Variants in RMST observed in about 807,000 individuals in gnomAD.
RMST encodes long intergenic non-protein coding RNA 54.
At chr12:97,483,148 T>A (rs756142218) in intron 5 of RMST, among the ~76,000 whole-genome samples, 108 of 152,272 alleles carry the variant, frequency 7.1e-4, no homozygotes, top group Non-Finnish European at 1.4e-3. Context: ...TGTGCTCTGT[T>A]ATTTCAAAGG....
chr12:97,514,022 ATTATAAGGGTTATTC>A (rs1021376132), intron 10 of RMST, among the ~76,000 whole-genome samples: 58 of 152,182 alleles, frequency 3.8e-4, no homozygotes, highest in African/African-American at 1.3e-3. Context: ...GAACTTTCCA[ATTATAAGGGTTATTC>A]TTAAATAAGA....
At chr12:97,545,320 C>T (rs1882852645) in intron 11 of RMST, among the ~76,000 whole-genome samples, 2 of 152,000 alleles carry the variant, frequency 1.3e-5, no homozygotes, top group Non-Finnish European at 2.9e-5. Flanking sequence ...CCACAGTCCG[C>T]AGTGGTTGAC....
rs145182833 is a variant in RMST at position 97,470,851 on chromosome 12, A to G, written n.644+5124A>G. On this transcript the variant is annotated intron_variant and non_coding_transcript_variant, in intron 5 of 13. Transcript: ENST00000640149. ...GACCACCCACCACTCCCCAAAAAAG[A>G]GCCATTTCCTTAACCATCATAAAGT... Among the ~76,000 whole-genome samples, 894 of 152,156 alleles carry G rather than the reference A, an allele frequency of 5.9e-3. 4 individuals carry two copies. Among genetic ancestry groups the G allele is most frequent in the Non-Finnish European group, 9.7e-3 (659 of 67,972 alleles).
At chr12:97,518,136 G>T (rs1400449149) in intron 10 of RMST, among the ~76,000 whole-genome samples, 1 of 152,026 alleles carries the variant, frequency 6.6e-6, no homozygotes. Context: ...AGATAAAGTA[G>T]AGCACTTTTT....
chr12:97,500,829 C>G (rs1260868569), intron 10 of RMST, among the ~76,000 whole-genome samples: 3 of 152,198 alleles, frequency 2.0e-5, no homozygotes, highest in Non-Finnish European at 4.4e-5. Flanking sequence ...TGGGAAGAAT[C>G]TTTCTTTCAG....
At chr12:97,503,528 G>A (rs1878324484) in intron 10 of RMST, among the ~76,000 whole-genome samples, 1 of 151,226 alleles carries the variant, frequency 6.6e-6, no homozygotes, top group African/African-American at 2.4e-5. Context: ...CTGTAACCAT[G>A]CACTGCTAAC....
At chr12:97,561,552 A>T (rs921974401) in intron 13 of RMST, among the ~76,000 whole-genome samples, 1 of 150,760 alleles carries the variant, frequency 6.6e-6, no homozygotes, top group Non-Finnish European at 1.5e-5. Flanking sequence ...GAGTCAAGTG[A>T]CAAGACTAAC....
chr12:97,552,707 TG>T (rs1883388525), intron 11 of RMST, among the ~76,000 whole-genome samples: 1 of 152,246 alleles, frequency 6.6e-6, no homozygotes, highest in East Asian at 1.9e-4. Flanking sequence ...ATTTTGTTGT[TG>T]TTGTTGCTGT....
At chr12:97,487,973 G>A (rs993560265) in intron 5 of RMST, among the ~76,000 whole-genome samples, 5 of 152,114 alleles carry the variant, frequency 3.3e-5, no homozygotes, top group African/African-American at 7.2e-5. Context: ...CTACCCCCAC[G>A]GATTCTAATT....
At chr12:97,544,274 G>A (rs1482297602) in intron 11 of RMST, among the ~76,000 whole-genome samples, 2 of 152,046 alleles carry the variant, frequency 1.3e-5, no homozygotes, top group African/African-American at 4.8e-5. Flanking sequence ...GGAATAATCA[G>A]ATTTAGATTT....
chr12:97,475,345 G>T (rs748837320), intron 5 of RMST, among the ~76,000 whole-genome samples: 2 of 152,150 alleles, frequency 1.3e-5, no homozygotes, highest in Non-Finnish European at 2.9e-5. Context: ...TATGTCTGAT[G>T]GCATTTGGAA....
intron 10 of RMST, among the ~76,000 whole-genome samples, chr12:97,496,634 T>G (rs772426707): frequency 3.9e-5 from 6 of 152,198 alleles, no homozygotes; most frequent in Admixed American, 6.6e-5. Context: ...CATATCACTA[T>G]GCTGATCCTT....
intron 5 of RMST, among the ~76,000 whole-genome samples, chr12:97,478,850 C>T (rs1480338360): frequency 6.6e-6 from 1 of 152,126 alleles, no homozygotes; most frequent in African/African-American, 2.4e-5. Flanking sequence ...GTTTTGCTTG[C>T]TGTAGAGCCT....
chr12:97,471,572 A>T (rs1226219337), intron 5 of RMST, among the ~76,000 whole-genome samples: 1 of 152,124 alleles, frequency 6.6e-6, no homozygotes, highest in Non-Finnish European at 1.5e-5. Flanking sequence ...TGCTGTGTTG[A>T]TGTCGGTAAA....
chr12:97,499,657 C>CT (rs540776298), intron 10 of RMST, among the ~76,000 whole-genome samples: 27,020 of 131,460 alleles, frequency 0.21, 3,425 homozygotes, highest in African/African-American at 0.33. Flanking sequence ...TTTTTTCTTT[C>CT]TTTTTTTTTT....
intron 5 of RMST, chr12:97,491,838 A>G (rs1876852642): frequency 1.5e-5 from 7 of 478,902 alleles, no homozygotes; most frequent in South Asian, 9.0e-5. Context: ...TTTTCATCAA[A>G]TGTTCAGTAA....
chr12:97,494,626 T>G (rs1229193731), intron 8 of RMST: 1 of 152,174 alleles, frequency 6.6e-6, no homozygotes, highest in African/African-American at 2.4e-5. Context: ...TCAGTATTTT[T>G]TTTTAGATTA....
chr12:97,465,573 T>C (rs1873092179), intron 4 of RMST: 1 of 152,192 alleles, frequency 6.6e-6, no homozygotes, highest in Admixed American at 6.5e-5. Flanking sequence ...TTACTGCTTA[T>C]GAGCACCATC....
intron 10 of RMST, among the ~76,000 whole-genome samples, chr12:97,527,156 A>G (rs886906150): frequency 9.2e-5 from 14 of 152,152 alleles, no homozygotes; most frequent in Non-Finnish European, 2.1e-4. Flanking sequence ...TATTGAAGTG[A>G]TAAGAGGGAT....
Sources: allele counts gnomAD v4.1 joint callset (sites outside exome capture counted in the v4.1 genomes callset), GRCh38; gene constraint gnomAD v4.1.1; transcripts MANE v1.5; gene names NCBI Gene and HGNC (gene_info 2026-07-23, HGNC 2026-07-21).